CADM2: variants seen among roughly 807,000 people sequenced by gnomAD.
The protein encoded by CADM2 is cell adhesion molecule 2.
In CADM2, 12 loss-of-function variants were observed where a neutral mutation model predicts 49.8. The ratio of observed to expected loss-of-function variants is 0.24; its 90% CI spans 0.15 to 0.39. CADM2 has a LOEUF of 0.39. Among genes scored for constraint, CADM2 ranks in the 10% least tolerant of loss-of-function variants. CADM2 has a pLI of 1.00. For missense variants in CADM2, 378 were observed against 492.3 expected, an observed-to-expected ratio of 0.77 and a Z score of 2.20; for synonymous variants, 214 against 175.4, an observed-to-expected ratio of 1.22 and a Z score of -1.74.
intron 1 of CADM2, among the ~76,000 whole-genome samples, chr3:85,295,170 G>T (rs562346856): frequency 2.6e-5 from 4 of 152,144 alleles, no homozygotes; most frequent in Admixed American, 1.3e-4. Context: ...CATTTATGCA[G>T]CCAAAAAACA....
intron 7 of CADM2, among the ~76,000 whole-genome samples, chr3:85,947,434 G>A (rs1559759980): frequency 6.6e-6 from 1 of 151,068 alleles, no homozygotes; most frequent in Non-Finnish European, 1.5e-5. Flanking sequence ...CTGATATATA[G>A]AGAAATGCAA....
At chr3:85,379,070 A>G (rs991530031) in intron 1 of CADM2, among the ~76,000 whole-genome samples, 1 of 151,988 alleles carries the variant, frequency 6.6e-6, no homozygotes, top group African/African-American at 2.4e-5. Context: ...ATGAATGGCT[A>G]AAGTTTACAT....
At chr3:85,243,827 G>A (rs2042587050) in intron 1 of CADM2, among the ~76,000 whole-genome samples, 1 of 151,962 alleles carries the variant, frequency 6.6e-6, no homozygotes, top group Non-Finnish European at 1.5e-5. Context: ...TCCCAGGTTA[G>A]TTACTGTCAG....
intron 1 of CADM2, among the ~76,000 whole-genome samples, chr3:85,241,584 A>C (rs570688272): frequency 4.0e-5 from 6 of 151,666 alleles, no homozygotes; most frequent in Admixed American, 2.6e-4. Context: ...AGTCAGTTTA[A>C]ATGTTCAGTT....
intron 1 of CADM2, among the ~76,000 whole-genome samples, chr3:85,692,454 A>AGTCATGTAGCTAGGT (rs1211479960): frequency 6.6e-5 from 10 of 152,210 alleles, no homozygotes; most frequent in African/African-American, 2.4e-4. Context: ...AAAGAAAGAA[A>AGTCATGTAGCTAGGT]GTCATGTAGC....
intron 1 of CADM2, among the ~76,000 whole-genome samples, chr3:85,633,232 C>G (rs970146725): frequency 1.3e-5 from 2 of 151,874 alleles, no homozygotes; most frequent in African/African-American, 4.8e-5. Context: ...TGAGTGATTT[C>G]TTATTTGTTT....
chr3:85,929,617 T>C (rs1039421350), intron 6 of CADM2, among the ~76,000 whole-genome samples: 5 of 151,852 alleles, frequency 3.3e-5, no homozygotes, highest in Non-Finnish European at 7.4e-5. Flanking sequence ...TCCATTCATT[T>C]TGATATGTAA....
chr3:85,233,357 C>T (rs1235965210), intron 1 of CADM2, among the ~76,000 whole-genome samples: 1 of 152,048 alleles, frequency 6.6e-6, no homozygotes, highest in Non-Finnish European at 1.5e-5. Flanking sequence ...CTTTATAATA[C>T]AGTCAACCCT....
chr3:85,186,980 T>C (rs1363521151), intron 1 of CADM2, among the ~76,000 whole-genome samples: 1 of 152,204 alleles, frequency 6.6e-6, no homozygotes, highest in African/African-American at 2.4e-5. Flanking sequence ...TGTATGCCTT[T>C]GTAAAATAAT....
At chr3:85,810,197 G>A (rs1234682516) in intron 3 of CADM2, among the ~76,000 whole-genome samples, 1 of 152,114 alleles carries the variant, frequency 6.6e-6, no homozygotes, top group African/African-American at 2.4e-5. Context: ...AGGGATAGAT[G>A]TATGAAAATA....
chr3:85,259,106 A>T (rs910617250), intron 1 of CADM2, among the ~76,000 whole-genome samples: 1 of 152,140 alleles, frequency 6.6e-6, no homozygotes, highest in African/African-American at 2.4e-5. Flanking sequence ...ACAAAGGGAA[A>T]CTAAAACAAG....
At chr3:85,701,965 G>GACATAA (rs1162342082) in intron 1 of CADM2, among the ~76,000 whole-genome samples, 4 of 118,090 alleles carry the variant, frequency 3.4e-5, no homozygotes, top group East Asian at 5.2e-4. Context: ...GATGTAGATA[G>GACATAA]ATAGACATAG....
At chr3:85,291,417 A>G (rs1416644810) in intron 1 of CADM2, among the ~76,000 whole-genome samples, 1 of 150,402 alleles carries the variant, frequency 6.6e-6, no homozygotes, top group East Asian at 1.9e-4. Context: ...GCCAACGTTC[A>G]GATTCAGGAA....
intron 1 of CADM2, among the ~76,000 whole-genome samples, chr3:85,359,185 C>T (rs1308802590): frequency 5.9e-5 from 9 of 151,946 alleles, no homozygotes; most frequent in African/African-American, 2.2e-4. Flanking sequence ...AGCATATTTC[C>T]CTGGGACTAG....
intron 1 of CADM2, among the ~76,000 whole-genome samples, chr3:85,294,864 C>G (rs2043912296): frequency 6.6e-6 from 1 of 152,126 alleles, no homozygotes; most frequent in African/African-American, 2.4e-5. Flanking sequence ...CATTACCATT[C>G]AGGACATAGG....
intron 1 of CADM2, among the ~76,000 whole-genome samples, chr3:85,097,018 CT>C (rs1380235340): frequency 2.0e-5 from 3 of 152,000 alleles, no homozygotes; most frequent in African/African-American, 7.2e-5. Flanking sequence ...TATTATTATA[CT>C]TTAAGTTTTA....
chr3:85,113,450 G>A (rs2038529746), intron 1 of CADM2, among the ~76,000 whole-genome samples: 4 of 151,978 alleles, frequency 2.6e-5, no homozygotes, highest in Admixed American at 1.3e-4. Context: ...GTAGAGAGAG[G>A]ATAGTGTACA....
chr3:85,057,615 T>C (rs2036135612), intron 1 of CADM2, among the ~76,000 whole-genome samples: 1 of 152,140 alleles, frequency 6.6e-6, no homozygotes, highest in South Asian at 2.1e-4. Context: ...TTTACAATAA[T>C]CATAATGTCC....
At chr3:86,027,840 T>C (rs1354516576) in intron 8 of CADM2, 1 of 152,010 alleles carries the variant, frequency 6.6e-6, no homozygotes, top group East Asian at 1.9e-4. Context: ...ATGAACTAAA[T>C]ATTGGACTGG....
Sources: allele counts gnomAD v4.1 joint callset (sites outside exome capture counted in the v4.1 genomes callset), GRCh38; gene constraint gnomAD v4.1.1; transcripts MANE v1.5; gene names NCBI Gene and HGNC (gene_info 2026-07-23, HGNC 2026-07-21).